The following CCT7 variants were observed in gnomAD, a reference collection of about 807,000 sequenced individuals.
CCT7 encodes T-complex protein 1 subunit eta.
CCT7 carries 16 observed loss-of-function variants against 56.6 expected under a neutral mutation model. The ratio of observed to expected loss-of-function variants is 0.28; its 90% CI spans 0.19 to 0.43. CCT7 has a LOEUF of 0.43. Ranked by LOEUF, CCT7 falls within the 20% of genes least tolerant of loss-of-function variation. The pLI is 1.00. For synonymous variants in CCT7, 262 were observed against 254.8 expected (o/e 1.03, Z -0.27); for missense variants, 519 against 685.6 (o/e 0.76, Z 2.71).
Position 73,244,595 on chromosome 2 carries a change from G to A in CCT7, c.498G>A (p.Lys166=), listed in dbSNP as rs1424702041. Residue 166 remains lysine (K), a synonymous_variant, in exon 6 of 12, where the codon AAG becomes AAA. Transcript: ENST00000258091. ...GTGCCATGACCGCTCTGAGCTCCAA[G>A]CTGATCTCCCAGCAGAAAGCTTTCT... is the stretch of plus-strand genomic sequence containing the variant. ...EKCAMTALSS[K]LISQQKAFFA... is the part of the protein sequence containing the mutation. 6.2e-7 allele frequency: 1 copy of A among 1,613,872 alleles called. No homozygotes were observed.
chr2:73,251,499 T>C, intron 11 of CCT7, 67 bp downstream of exon 11: 1 of 1,424,126 alleles, frequency 7.0e-7, no homozygotes, highest in Admixed American at 1.7e-5. Context: ...ATGTGAGCTG[T>C]GCTTACTCAA....
At position 73,250,310 on chromosome 2, in the gene CCT7, A is replaced by C; in HGVS notation, c.1075A>C (p.Asn359His). Residue 359 changes from asparagine (N) to histidine (H), a missense_variant, in exon 10 of 12, where the codon AAT (asparagine) becomes CAT (histidine). Asn to His is a moderately conservative substitution (Grantham distance 68, BLOSUM62 1). Transcript: ENST00000258091. ...ACTGTTTAATCCTGGGCATAGGTAC[A>C]ATTTTTTTACTGGCTGCCCCAAGGC... ...EETQIGGERY[N>H]FFTGCPKAKT... is the part of the protein sequence containing the mutation. 6.2e-7 allele frequency: 1 copy of C among 1,613,958 alleles called. No individual in the cohort carries two copies. The highest frequency in any genetic ancestry group is 8.5e-7 in the Non-Finnish European group (1 of 1,180,012).
chr2:73,248,731 C>T (rs182900216), intron 7 of CCT7, among the ~76,000 whole-genome samples: 3 of 152,258 alleles, frequency 2.0e-5, no homozygotes, highest in East Asian at 3.9e-4. Context: ...AACTATTTCT[C>T]GCATCTGGAC....
intron 8 of CCT7, 53 bp from the exon 9 acceptor site, chr2:73,249,766 C>T: frequency 7.9e-7 from 1 of 1,262,126 alleles, no homozygotes; most frequent in Admixed American, 1.7e-5. Context: ...TGGCAGGAAG[C>T]TGCCTGGCCT....
chr2:73,241,543 G>A (rs1687112674), intron 3 of CCT7, among the ~76,000 whole-genome samples: 1 of 152,050 alleles, frequency 6.6e-6, no homozygotes, highest in African/African-American at 2.4e-5. Context: ...TTCAGTCCAG[G>A]AGTTTGAGAT....
chr2:73,251,098 T>C, intron 10 of CCT7, 128 bp from the exon 11 acceptor site: 1 of 796,804 alleles, frequency 1.3e-6, no homozygotes. Context: ...GTCTGGGCGT[T>C]TGGGGCTTGG....
chr2:73,247,044 C>T (rs977609817), intron 6 of CCT7, among the ~76,000 whole-genome samples: 1 of 152,152 alleles, frequency 6.6e-6, no homozygotes, highest in African/African-American at 2.4e-5. Context: ...AGTGCTGAGT[C>T]AGCCCTGGGT....
chr2:73,249,729 T>C (rs2231433), intron 8 of CCT7, 90 bp from the exon 9 acceptor site: 67,304 of 830,704 alleles, frequency 0.081, 3,844 homozygotes, highest in African/African-American at 0.23. Context: ...TCTGGGGGCA[T>C]GCGTGGGAAT....
At position 73,242,318 on chromosome 2, in the gene CCT7, C is replaced by A. The variant is rs531141513; in HGVS notation, c.268-686C>A. Reference sequence around the variant, plus strand: ...TTCTTGAGACGGAGTCTCACTCTGTCGCCCAGGCTGGAGTGCTGTGGTGCG... The same window carrying A: ...TTCTTGAGACGGAGTCTCACTCTGTAGCCCAGGCTGGAGTGCTGTGGTGCG... On this transcript the variant is annotated intron_variant, in intron 3 of 11. Coordinates refer to ENST00000258091, the MANE Select transcript of CCT7 (RefSeq NM_006429.4). Among the ~76,000 whole-genome samples the A allele has an allele frequency of 2.0e-5, 3 of 151,494 alleles. No individual in the cohort carries two copies. The South Asian group carries it at 6.4e-4, about 32-fold the overall frequency.
At chr2:73,246,527 C>T (rs1687345400) in intron 6 of CCT7, among the ~76,000 whole-genome samples, 1 of 152,218 alleles carries the variant, frequency 6.6e-6, no homozygotes, top group Admixed American at 6.5e-5. Flanking sequence ...TACTTATTTA[C>T]TATTTGCAGG....
chr2:73,249,598 C>T (rs1436269842), intron 8 of CCT7, among the ~76,000 whole-genome samples: 1 of 152,058 alleles, frequency 6.6e-6, no homozygotes, highest in African/African-American at 2.4e-5. Context: ...GTCCCTATCT[C>T]CTTTTAACTT....
chr2:73,251,891 A>ATCGTG (rs1687603345), intron 11 of CCT7, among the ~76,000 whole-genome samples: 1 of 151,826 alleles, frequency 6.6e-6, no homozygotes, highest in African/African-American at 2.4e-5. Flanking sequence ...GTGAGCAGAG[A>ATCGTG]TCGTGCCGCT....
chr2:73,235,439 G>A (rs1324013225), intron 1 of CCT7: 1 of 424,102 alleles, frequency 2.4e-6, no homozygotes, highest in Non-Finnish European at 3.3e-6. Flanking sequence ...TCCTGTTAGG[G>A]ACGCAGACAC....
intron 1 of CCT7, among the ~76,000 whole-genome samples, chr2:73,236,134 G>T (rs1686871773): frequency 6.6e-6 from 1 of 152,240 alleles, no homozygotes; most frequent in African/African-American, 2.4e-5. Context: ...TGTGATGTTG[G>T]TACAGCTTGC....
At chr2:73,249,994 CT>C in intron 9 of CCT7, 78 bp downstream of exon 9, 1 of 1,012,446 alleles carries the variant, frequency 9.9e-7, no homozygotes, top group Non-Finnish European at 1.6e-6. Flanking sequence ...TGGTATACAG[CT>C]TTTACAAAGT....
rs887248303 is a variant in CCT7, at chr2:73,240,002, G to A, written c.160+206G>A. The A allele has an allele frequency of 3.3e-5, 17 of 512,618 alleles. 1 individual carries two copies. In the South Asian group the frequency reaches 4.4e-4, roughly 13 times the overall value. The allele number at this position is 512,618 out of a possible 1,614,324, so 31.8% of individuals were successfully genotyped here. ...TGAGAGAACCTAGGCTCAGGAGCCT[G>A]TTGCCTCATAGGGAGACGTGGCCTA... is the stretch of plus-strand genomic sequence containing the variant. On this transcript the variant is annotated intron_variant, in intron 2 of 11. Coordinates refer to ENST00000258091, the MANE Select transcript of CCT7 (RefSeq NM_006429.4).
chr2:73,234,360 C>A lies in CCT7; in HGVS notation c.-19C>A, dbSNP rs747847801. 9 of 1,613,248 alleles carry A rather than the reference C, an allele frequency of 5.6e-6. No homozygotes were observed. Among genetic ancestry groups the A allele is most frequent in the Admixed American group, 5.0e-5 (3 of 60,004 alleles). Reference sequence around the variant, plus strand: ...CGGAGAAGAGGGGAGAGTGGCGGGCCGCTGAATAAGCTTCCAAAATGATGG... The same window carrying A: ...CGGAGAAGAGGGGAGAGTGGCGGGCAGCTGAATAAGCTTCCAAAATGATGG... On this transcript the variant is annotated 5_prime_UTR_variant, in exon 1 of 12. Coordinates refer to ENST00000258091, the MANE Select transcript of CCT7 (RefSeq NM_006429.4).
At chr2:73,251,770 T>C (rs1307533399) in intron 11 of CCT7, among the ~76,000 whole-genome samples, 4 of 152,144 alleles carry the variant, frequency 2.6e-5, no homozygotes, top group Admixed American at 2.6e-4. Context: ...AAACCCTATG[T>C]CTACTAAAAA....
rs776710625 is a variant in CCT7 at position 73,249,103 on chromosome 2, C to G, written c.896C>G (p.Ala299Gly). ...VLSKLPIGDV[A>G]TQYFADRDMF... ...TCCAAACTCCCCATTGGGGATGTGG[C>G]CACCCAGTACTTTGCTGACAGGGAC... Residue 299 changes from alanine to glycine, a missense_variant, in exon 8 of 12, where the codon GCC (alanine) becomes GGC (glycine). Ala to Gly is a moderately conservative substitution (Grantham distance 60). Around this residue, in one of 3 missense-constraint regions of CCT7, gnomAD observed 276 missense variants for 357.3 expected, o/e 0.77. Coordinates refer to ENST00000258091, the MANE Select transcript of CCT7 (RefSeq NM_006429.4). 2 of 1,613,974 alleles carry G rather than the reference C, an allele frequency of 1.2e-6. No homozygotes were observed. Among genetic ancestry groups the G allele is most frequent in the East Asian group, 4.5e-5 (2 of 44,896 alleles).
Sources: allele counts gnomAD v4.1 joint callset (sites outside exome capture counted in the v4.1 genomes callset), GRCh38; gene constraint gnomAD v4.1.1; regional missense constraint gnomAD v4.1.1; transcripts MANE v1.5; gene names NCBI Gene and HGNC (gene_info 2026-07-23, HGNC 2026-07-21).